The following DACH2 variants were observed in gnomAD, a reference collection of about 807,000 sequenced individuals.
DACH2 encodes the protein dachshund family transcription factor 2.
DACH2 carries 17 observed loss-of-function variants against 35.8 expected under a neutral mutation model. That is an observed-to-expected ratio of 0.48 (90% CI 0.33 to 0.71). The LOEUF is 0.71. Among genes scored for constraint, DACH2 ranks in the 30% least tolerant of loss-of-function variants. The pLI, the probability that DACH2 is intolerant of heterozygous loss-of-function variation, is 0.02. For synonymous variants in DACH2, 195 were observed against 177.3 expected, an observed-to-expected ratio of 1.10 and a Z score of -0.79; for missense variants, 469 against 472.7, an observed-to-expected ratio of 0.99 and a Z score of 0.07.
intron 1 of DACH2, among the ~76,000 whole-genome samples, chrX:86,359,920 C>A (rs1364299304): frequency 1.8e-5 from 2 of 109,916 alleles, no homozygotes; most frequent in African/African-American, 6.6e-5. Flanking sequence ...GATGCTCAGG[C>A]TGGAGTACAG....
chrX:86,577,260 A>T (rs1270552080), intron 3 of DACH2, among the ~76,000 whole-genome samples: 2 of 110,852 alleles, frequency 1.8e-5, no homozygotes, highest in African/African-American at 6.5e-5. Context: ...AAACAGGAGC[A>T]GTTAGTTAAG....
At chrX:86,632,643 T>A (rs1350102778) in intron 3 of DACH2, among the ~76,000 whole-genome samples, 1 of 110,924 alleles carries the variant, frequency 9.0e-6, no homozygotes, top group Non-Finnish European at 1.9e-5. Flanking sequence ...TGGTATTCAC[T>A]TCAGAGAATG....
At chrX:86,709,670 T>TAA (rs1220734542) in intron 5 of DACH2, among the ~76,000 whole-genome samples, 4 of 111,890 alleles carry the variant, frequency 3.6e-5, no homozygotes, top group Non-Finnish European at 7.5e-5. Flanking sequence ...GACCAATAGA[T>TAA]ATACAAAGAA....
chrX:86,458,018 C>T (rs760346636), intron 2 of DACH2, among the ~76,000 whole-genome samples: 4 of 111,692 alleles, frequency 3.6e-5, no homozygotes, highest in South Asian at 3.7e-4. Flanking sequence ...AATACAATAC[C>T]GCACTTCATT....
At chrX:86,510,701 G>A (rs1602594730) in intron 2 of DACH2, among the ~76,000 whole-genome samples, 2 of 111,259 alleles carry the variant, frequency 1.8e-5, no homozygotes, top group African/African-American at 6.5e-5. Context: ...AGATTTAGCT[G>A]AGGTATTTAT....
chrX:86,505,437 A>G (rs5968934), intron 2 of DACH2, among the ~76,000 whole-genome samples: 21,359 of 110,891 alleles, frequency 0.19, 2,345 homozygotes, highest in African/African-American at 0.42. Context: ...ACAACTCCCC[A>G]TCTTCCCCTC....
chrX:86,217,568 T>A (rs746760495), intron 1 of DACH2, among the ~76,000 whole-genome samples: 1 of 111,782 alleles, frequency 8.9e-6, no homozygotes, highest in Non-Finnish European at 1.9e-5. Context: ...TACTAGAATT[T>A]CAGGGAACAT....
chrX:86,173,310 A>G (rs768095928), intron 1 of DACH2, among the ~76,000 whole-genome samples: 4 of 112,101 alleles, frequency 3.6e-5, no homozygotes, highest in Admixed American at 1.9e-4. Context: ...ATGTGGGAAG[A>G]CAATAAACAA....
At chrX:86,638,601 A>G (rs2040307750) in intron 3 of DACH2, among the ~76,000 whole-genome samples, 1 of 112,047 alleles carries the variant, frequency 8.9e-6, no homozygotes, top group Admixed American at 9.5e-5. Context: ...GGTAAAGGAC[A>G]TGAATAGACA....
intron 2 of DACH2, among the ~76,000 whole-genome samples, chrX:86,420,760 G>A (rs994876438): frequency 1.8e-5 from 2 of 110,884 alleles, no homozygotes; most frequent in African/African-American, 3.3e-5. Context: ...AATTGTAAAC[G>A]TTTAAAGTTA....
intron 3 of DACH2, among the ~76,000 whole-genome samples, chrX:86,642,777 A>T (rs1386665235): frequency 8.9e-6 from 1 of 112,296 alleles, no homozygotes; most frequent in African/African-American, 3.2e-5. Flanking sequence ...ACAGCTCAAT[A>T]AAAATAGAAA....
intron 1 of DACH2, among the ~76,000 whole-genome samples, chrX:86,341,019 C>T (rs2035403757): frequency 8.9e-6 from 1 of 112,159 alleles, no homozygotes; most frequent in African/African-American, 3.2e-5. Context: ...TGAGGTGAAG[C>T]AGCAGGTGCT....
intron 1 of DACH2, among the ~76,000 whole-genome samples, chrX:86,276,528 T>C: frequency 8.9e-6 from 1 of 111,918 alleles, no homozygotes; most frequent in Non-Finnish European, 1.9e-5. Flanking sequence ...GGAAGCTTTT[T>C]AACTGGCTGT....
intron 1 of DACH2, among the ~76,000 whole-genome samples, chrX:86,307,427 G>A (rs919935097): frequency 8.9e-6 from 1 of 111,870 alleles, no homozygotes; most frequent in African/African-American, 3.3e-5. Flanking sequence ...TTGGAATGGG[G>A]ATGTGTGAGA....
At chrX:86,529,666 G>T (rs62594984) in intron 3 of DACH2, among the ~76,000 whole-genome samples, 5,163 of 107,290 alleles carry the variant, frequency 0.048, 115 homozygotes, top group Middle Eastern at 0.087. Flanking sequence ...TAGAGACAGG[G>T]TTTCACCGTG....
At chrX:86,519,580 A>G (rs2038521699) in intron 3 of DACH2, among the ~76,000 whole-genome samples, 1 of 111,622 alleles carries the variant, frequency 9.0e-6, no homozygotes, top group African/African-American at 3.3e-5. Flanking sequence ...AGAGTGTGTT[A>G]TTGGTCTGTT....
chrX:86,517,592 G>A (rs945406893), intron 3 of DACH2, among the ~76,000 whole-genome samples: 2 of 109,724 alleles, frequency 1.8e-5, no homozygotes, highest in Non-Finnish European at 3.8e-5. Context: ...AAATTTTTTT[G>A]TATTTTTAGT....
intron 1 of DACH2, among the ~76,000 whole-genome samples, chrX:86,365,423 G>C (rs2035793484): frequency 9.0e-6 from 1 of 110,637 alleles, no homozygotes; most frequent in South Asian, 3.8e-4. Context: ...CATCTTTAGG[G>C]AAGGACATTT....
intron 2 of DACH2, among the ~76,000 whole-genome samples, chrX:86,401,300 G>C (rs1465387874): frequency 8.9e-6 from 1 of 112,325 alleles, no homozygotes; most frequent in African/African-American, 3.2e-5. Context: ...GACTAGGAAA[G>C]GGAATTCCAC....
Sources: gnomAD v4.1 joint callset for allele counts (sites outside exome capture counted in the v4.1 genomes callset) on GRCh38, gnomAD v4.1.1 for gene constraint, MANE v1.5 for transcripts, NCBI Gene and HGNC (gene_info 2026-07-23, HGNC 2026-07-21) for gene names.